The following BAIAP2L2 variants were observed in gnomAD, a reference collection of about 807,000 sequenced individuals.
The protein encoded by BAIAP2L2 is BAR/IMD domain containing adaptor protein 2 like 2.
Under a neutral mutation model 60.4 loss-of-function variants are expected in BAIAP2L2, and 65 were observed. That is an observed-to-expected ratio of 1.08 (90% CI 0.88 to 1.32). BAIAP2L2 has a LOEUF of 1.32. BAIAP2L2 is among the 40% of genes most tolerant of loss of function. The pLI, the probability that BAIAP2L2 is intolerant of heterozygous loss-of-function variation, is 0.00. For missense variants in BAIAP2L2, 836 were observed against 741.2 expected (o/e 1.13, Z -1.48); for synonymous variants, 344 against 301.7 (o/e 1.14, Z -1.45).
Position 38,085,218 on chromosome 22 carries a change from G to T in BAIAP2L2, c.*82C>A. The T allele has an allele frequency of 1.4e-6, 2 of 1,453,092 alleles. No individual in the cohort carries two copies. The highest frequency in any genetic ancestry group is 1.9e-6 in the Non-Finnish European group (2 of 1,047,860). 90.0% of individuals were successfully genotyped at this position (1,453,092 alleles called of 1,614,324 possible). ...CAGGGACCCGCTTCTTGGATCTGCT[G>T]CTGTTGCTGCTGTCGCTGCCATTGC... On this transcript the variant is annotated 3_prime_UTR_variant, in exon 14 of 14. Coordinates refer to ENST00000381669, the MANE Select transcript of BAIAP2L2 (RefSeq NM_025045.6).
chr22:38,086,324 C>A lies in BAIAP2L2; in HGVS notation c.1385G>T (p.Arg462Leu). The change falls in exon 12 of 14, where the codon CGT becomes CTT. Residue 462 changes from arginine (R) to leucine (L), a missense_variant. By Grantham distance (102) the Arg-to-Leu change is moderately radical. Transcript: ENST00000381669. ...GGGTGGAGGTGCAGGGCTGGGGGCA[C>A]GGCTTGGCACCCGGCTTGGGGTGCG... ...RSRTPSRVPS[R>L]APSPAPPPLP... 1.2e-6 allele frequency: 2 copies of A among 1,603,430 alleles called. No individual in the cohort carries two copies. The highest frequency in any genetic ancestry group is 1.7e-5 in the Admixed American group (1 of 59,124).
At position 38,099,538 on chromosome 22, in the gene BAIAP2L2, GA is replaced by G. The variant is rs1178301686; in HGVS notation, c.277-1057del. Among the ~76,000 whole-genome samples, 24 of 142,518 alleles carry G rather than the reference GA, an allele frequency of 1.7e-4. 1 individual carries two copies. The highest frequency in any genetic ancestry group is 3.6e-3 in the Middle Eastern group (1 of 280). 93.5% of individuals were successfully genotyped at this position (142,518 alleles called of 152,430 possible). A position where few individuals can be genotyped will look rare whatever the true frequency, so the allele number is the denominator to read the frequency against. ...GACAGAGTGAAACTCTGTCTCAAAA[GA>G]AAAAAAAAAAGAAAAAGGAAAGGCT... is the stretch of plus-strand genomic sequence containing the variant. On this transcript the variant is annotated intron_variant, in intron 4 of 13. Coordinates refer to ENST00000381669, the MANE Select transcript of BAIAP2L2 (RefSeq NM_025045.6).
chr22:38,094,859 C>A (rs1031247082), intron 7 of BAIAP2L2, among the ~76,000 whole-genome samples: 3 of 137,060 alleles, frequency 2.2e-5, no homozygotes, highest in Non-Finnish European at 5.0e-5. Context: ...GGGATAAGAA[C>A]CCCAAGCCAG....
chr22:38,096,626 G>T (rs2083937078), intron 7 of BAIAP2L2, among the ~76,000 whole-genome samples: 1 of 152,158 alleles, frequency 6.6e-6, no homozygotes, highest in African/African-American at 2.4e-5. Flanking sequence ...TTGCACTCCA[G>T]CCTGGGCAAC....
intron 7 of BAIAP2L2, among the ~76,000 whole-genome samples, chr22:38,093,165 TTAAAA>T (rs890925831): frequency 3.0e-4 from 46 of 152,170 alleles, no homozygotes; most frequent in African/African-American, 1.0e-3. Context: ...GAACTCCATC[TTAAAA>T]TAAAAAGAAA....
rs955929663 is a variant in BAIAP2L2 at position 38,085,594 on chromosome 22, C to T, written c.1514+92G>A. 28 of 1,447,860 alleles carry T rather than the reference C, an allele frequency of 1.9e-5. No homozygotes were observed. In the Admixed American group the frequency reaches 3.5e-4, roughly 18 times the overall value. 89.7% of individuals were successfully genotyped at this position (1,447,860 alleles called of 1,614,324 possible). On this transcript the variant is annotated intron_variant, in intron 13 of 13. Coordinates refer to ENST00000381669, the MANE Select transcript of BAIAP2L2 (RefSeq NM_025045.6). ...GAACTGTTGGAATCAAGAGATCCTCCTGCCCCAGTCTCCCTAGTAGCTGGG... is the reference window on the plus strand; with the variant it reads ...GAACTGTTGGAATCAAGAGATCCTCTTGCCCCAGTCTCCCTAGTAGCTGGG...
At chr22:38,094,981 G>A (rs1232681560) in intron 7 of BAIAP2L2, among the ~76,000 whole-genome samples, 1 of 152,042 alleles carries the variant, frequency 6.6e-6, no homozygotes, top group Non-Finnish European at 1.5e-5. Flanking sequence ...GTGAAACCCT[G>A]TCTCTACTAA....
intron 7 of BAIAP2L2, among the ~76,000 whole-genome samples, chr22:38,092,929 G>A (rs568205007): frequency 7.2e-5 from 11 of 152,220 alleles, no homozygotes; most frequent in South Asian, 2.1e-4. Flanking sequence ...TTGGGAGGCC[G>A]AGGTGGGTGG....
chr22:38,098,522 A>G (rs1356843858), intron 4 of BAIAP2L2, 40 bp from the exon 5 acceptor site: 4 of 1,566,554 alleles, frequency 2.6e-6, no homozygotes, highest in Middle Eastern at 3.4e-4. Flanking sequence ...AGGCCCCCCT[A>G]CTGTTCCCAG....
At chr22:38,099,777 C>A (rs919798097) in intron 4 of BAIAP2L2, among the ~76,000 whole-genome samples, 1 of 152,186 alleles carries the variant, frequency 6.6e-6, no homozygotes, top group African/African-American at 2.4e-5. Context: ...TGGAGGCCCT[C>A]CCGCCTCTGC....
intron 12 of BAIAP2L2, 29 bp from the exon 13 acceptor site, chr22:38,085,761 T>G (rs1300506269): frequency 6.4e-7 from 1 of 1,573,576 alleles, no homozygotes; most frequent in Non-Finnish European, 8.6e-7. Flanking sequence ...AGGGCTGGTT[T>G]GGTGGGGAGA....
At position 38,098,457 on chromosome 22, in the gene BAIAP2L2, A is replaced by G; in HGVS notation, c.302T>C (p.Leu101Pro). 1 of 1,613,904 alleles carries G rather than the reference A, an allele frequency of 6.2e-7. No homozygotes were observed. Among genetic ancestry groups the G allele is most frequent in the Non-Finnish European group, 8.5e-7 (1 of 1,179,874 alleles). Residue 101 changes from leucine to proline, a missense_variant, in exon 5 of 14, where the codon CTG becomes CCG. Leu to Pro is a moderately conservative substitution (Grantham distance 98). Coordinates refer to ENST00000381669, the MANE Select transcript of BAIAP2L2 (RefSeq NM_025045.6). Reference sequence around the variant, plus strand: ...CTTGGTGTTCTTCTCCATGTGCTGCAGCAGGCCTCCATGGAATGTCTGCAC... The same window carrying G: ...CTTGGTGTTCTTCTCCATGTGCTGCGGCAGGCCTCCATGGAATGTCTGCAC... The part of the protein sequence containing the change: ...VVVQTFHGGL[L>P]QHMEKNTKLD...
chr22:38,096,915 A>G, intron 7 of BAIAP2L2, 117 bp downstream of exon 7: 1 of 1,231,448 alleles, frequency 8.1e-7, no homozygotes, highest in Non-Finnish European at 1.1e-6. Context: ...ATGAATTTCT[A>G]CAGACAGGCA....
chr22:38,088,420 G>A (rs2086164960), intron 10 of BAIAP2L2, among the ~76,000 whole-genome samples: 1 of 152,224 alleles, frequency 6.6e-6, no homozygotes, highest in Admixed American at 6.5e-5. Flanking sequence ...TCTGCAGAGG[G>A]GAAGCAGCCT....
chr22:38,091,395 A>ATTGT, intron 7 of BAIAP2L2: 1 of 152,336 alleles, frequency 6.6e-6, no homozygotes, highest in East Asian at 1.9e-4. Context: ...GTATCATTGG[A>ATTGT]TTGTTTGTAA....
Position 38,108,259 on chromosome 22 carries a change from A to C in BAIAP2L2, c.210T>G (p.Ile70Met). 6.2e-7 allele frequency: 1 copy of C among 1,612,132 alleles called. No homozygotes were observed. Reference sequence around the variant, plus strand: ...GCTGTGGAGGGGGAGCCTCACCCAGAATCTGTGAGGTGGGGCTCTGCAGGG... The same window carrying C: ...GCTGTGGAGGGGGAGCCTCACCCAGCATCTGTGAGGTGGGGCTCTGCAGGG... ...ERALQSPTSQ[I>M]LGEILVQMSD... Residue 70 changes from isoleucine (I) to methionine (M), a missense_variant, in exon 3 of 14, where the codon ATT (isoleucine) becomes ATG (methionine). Transcript: ENST00000381669.
At chr22:38,108,215 G>A in intron 3 of BAIAP2L2, 40 bp downstream of exon 3, 1 of 1,573,742 alleles carries the variant, frequency 6.4e-7, no homozygotes, top group East Asian at 2.3e-5. Flanking sequence ...TGCAAAAGGA[G>A]GGCCCAAGAA....
intron 8 of BAIAP2L2, 139 bp from the exon 9 acceptor site, chr22:38,089,370 G>T: frequency 1.8e-6 from 1 of 566,608 alleles, no homozygotes. Flanking sequence ...CGGGGGCGCG[G>T]AGAACGCGCC....
chr22:38,092,829 G>A (rs955310520), intron 7 of BAIAP2L2, among the ~76,000 whole-genome samples: 4 of 151,914 alleles, frequency 2.6e-5, no homozygotes, highest in South Asian at 2.1e-4. Context: ...TGTACCCCAC[G>A]GTAATGAGTG....
Sources: allele counts gnomAD v4.1 joint callset (sites outside exome capture counted in the v4.1 genomes callset), GRCh38; gene constraint gnomAD v4.1.1; transcripts MANE v1.5; gene names NCBI Gene and HGNC (gene_info 2026-07-23, HGNC 2026-07-21).